Variants in ATRNL1 observed in about 807,000 individuals in gnomAD.
ATRNL1 encodes the protein attractin like 1.
A neutral mutation model predicts 182.7 loss-of-function variants in ATRNL1; 95 were observed. The ratio of observed to expected loss-of-function variants is 0.52; its 90% CI spans 0.44 to 0.62. ATRNL1 has a LOEUF of 0.62. Among genes scored for constraint, ATRNL1 ranks in the 20% least tolerant of loss-of-function variants. ATRNL1 has a pLI of 0.00. For missense variants in ATRNL1, 1,471 were observed against 1,679.5 expected, an observed-to-expected ratio of 0.88 and a Z score of 2.17; for synonymous variants, 576 against 568.3, an observed-to-expected ratio of 1.01 and a Z score of -0.19.
chr10:115,201,630 G>T (rs1252064838), intron 8 of ATRNL1, among the ~76,000 whole-genome samples: 3 of 152,164 alleles, frequency 2.0e-5, no homozygotes, highest in African/African-American at 7.2e-5. Context: ...TTTGGTTACT[G>T]TAGCCTTGTA....
chr10:115,747,179 A>C (rs1555069380), intron 27 of ATRNL1, among the ~76,000 whole-genome samples: 1 of 152,068 alleles, frequency 6.6e-6, no homozygotes, highest in East Asian at 1.9e-4. Context: ...GCCTTTTCTT[A>C]TTGTGTCATG....
intron 21 of ATRNL1, among the ~76,000 whole-genome samples, chr10:115,441,013 A>G (rs1312190993): frequency 6.6e-6 from 1 of 151,896 alleles, no homozygotes; most frequent in Non-Finnish European, 1.5e-5. Flanking sequence ...TACCACCACA[A>G]TCACCAAACT....
At chr10:115,476,805 T>C (rs1302749046) in intron 24 of ATRNL1, among the ~76,000 whole-genome samples, 2 of 151,438 alleles carry the variant, frequency 1.3e-5, no homozygotes, top group Non-Finnish European at 3.0e-5. Flanking sequence ...TAATTGTGAA[T>C]ATAACCTCCC....
chr10:115,810,556 G>T (rs1248267703), intron 27 of ATRNL1, among the ~76,000 whole-genome samples: 1 of 151,882 alleles, frequency 6.6e-6, no homozygotes, highest in Non-Finnish European at 1.5e-5. Flanking sequence ...GGCAATTATA[G>T]TAGTAAGTTT....
At chr10:115,524,218 G>T (rs531688420) in intron 25 of ATRNL1, among the ~76,000 whole-genome samples, 15 of 152,236 alleles carry the variant, frequency 9.9e-5, no homozygotes, top group African/African-American at 3.6e-4. Context: ...CTCCCATTAA[G>T]CCCCACCTCT....
At chr10:115,588,408 T>C (rs7098922) in intron 26 of ATRNL1, among the ~76,000 whole-genome samples, 148,107 of 152,306 alleles carry the variant, frequency 0.97, 72,177 homozygotes, top group East Asian at 1. Flanking sequence ...TGAGAGACCA[T>C]AGAATGGCAA....
At chr10:115,486,927 A>T (rs1554975279) in intron 24 of ATRNL1, among the ~76,000 whole-genome samples, 1 of 152,196 alleles carries the variant, frequency 6.6e-6, no homozygotes, top group African/African-American at 2.4e-5. Context: ...AGGTGTAAGG[A>T]AGGGATCCAG....
At chr10:115,133,953 T>C (rs1554875900) in intron 5 of ATRNL1, among the ~76,000 whole-genome samples, 1 of 151,972 alleles carries the variant, frequency 6.6e-6, no homozygotes, top group African/African-American at 2.4e-5. Context: ...GACTACTGGG[T>C]ACATAACGAA....
At chr10:115,592,032 T>C (rs531807910) in intron 26 of ATRNL1, among the ~76,000 whole-genome samples, 1 of 152,302 alleles carries the variant, frequency 6.6e-6, no homozygotes, top group African/African-American at 2.4e-5. Context: ...AGCATGTATG[T>C]AGCTGGTGGC....
At chr10:115,751,510 A>C (rs2134121188) in intron 27 of ATRNL1, among the ~76,000 whole-genome samples, 1 of 152,156 alleles carries the variant, frequency 6.6e-6, no homozygotes, top group South Asian at 2.1e-4. Flanking sequence ...TCTGTGGAGG[A>C]GAATTTTGCT....
chr10:115,273,244 A>G (rs953775606), intron 13 of ATRNL1, among the ~76,000 whole-genome samples: 2 of 152,168 alleles, frequency 1.3e-5, no homozygotes, highest in Non-Finnish European at 2.9e-5. Context: ...TTTGTCCATG[A>G]GCCCGTTGGG....
chr10:115,279,722 C>T (rs896512620), intron 13 of ATRNL1, among the ~76,000 whole-genome samples: 7 of 152,182 alleles, frequency 4.6e-5, no homozygotes, highest in East Asian at 3.9e-4. Context: ...TGCTTGCAAA[C>T]TCCTCTTTAT....
chr10:115,124,601 C>T (rs775955847), intron 3 of ATRNL1, among the ~76,000 whole-genome samples: 16 of 152,252 alleles, frequency 1.1e-4, no homozygotes, highest in South Asian at 2.1e-4. Context: ...CCTTCTCTCT[C>T]GGGAAGTTAG....
intron 26 of ATRNL1, among the ~76,000 whole-genome samples, chr10:115,682,169 C>T (rs568595580): frequency 1.3e-5 from 2 of 152,146 alleles, no homozygotes; most frequent in African/African-American, 4.8e-5. Flanking sequence ...CACCCTAGCT[C>T]CACAACTTAC....
chr10:115,936,258 G>A (rs1279411765), intron 28 of ATRNL1, among the ~76,000 whole-genome samples: 1 of 152,084 alleles, frequency 6.6e-6, no homozygotes, highest in Non-Finnish European at 1.5e-5. Flanking sequence ...TTATATACCA[G>A]GCGTTTTTTA....
intron 9 of ATRNL1, among the ~76,000 whole-genome samples, chr10:115,241,284 A>G (rs1039152114): frequency 1.3e-5 from 2 of 151,556 alleles, no homozygotes; most frequent in Admixed American, 6.6e-5. Flanking sequence ...CTTGTTTCCT[A>G]TCTTTGTAAA....
intron 18 of ATRNL1, among the ~76,000 whole-genome samples, chr10:115,320,463 C>G (rs1375668410): frequency 5.3e-5 from 8 of 152,100 alleles, no homozygotes; most frequent in Non-Finnish European, 1.0e-4. Flanking sequence ...GGGAAGTTCT[C>G]CTGGATAATA....
At chr10:115,907,484 T>G (rs1472749306) in intron 28 of ATRNL1, among the ~76,000 whole-genome samples, 1 of 152,192 alleles carries the variant, frequency 6.6e-6, no homozygotes, top group African/African-American at 2.4e-5. Context: ...AACAAAGTTT[T>G]TACTCCAAAA....
intron 10 of ATRNL1, among the ~76,000 whole-genome samples, chr10:115,251,427 C>G (rs1850872368): frequency 6.6e-6 from 1 of 152,312 alleles, no homozygotes; most frequent in East Asian, 1.9e-4. Flanking sequence ...GACATGATCA[C>G]TGGGTGAGTC....
Sources: gnomAD v4.1 joint callset for allele counts (sites outside exome capture counted in the v4.1 genomes callset) on GRCh38, gnomAD v4.1.1 for gene constraint, MANE v1.5 for transcripts, NCBI Gene and HGNC (gene_info 2026-07-23, HGNC 2026-07-21) for gene names.